Variants in RTN1 observed in about 807,000 individuals in gnomAD.
RTN1 encodes the protein reticulon 1.
In RTN1, 25 loss-of-function variants were observed where a neutral mutation model predicts 65.5. The observed-to-expected ratio is 0.38, with a 90% confidence interval of 0.28 to 0.53. RTN1 has a LOEUF of 0.53. RTN1 is among the 20% of genes least tolerant of loss of function. RTN1 has a pLI of 0.79. For synonymous variants in RTN1, 471 were observed against 447.6 expected (o/e 1.05, Z -0.66); for missense variants, 983 against 1,025.4 (o/e 0.96, Z 0.57).
At chr14:59,808,240 C>G (rs1886670379) in intron 1 of RTN1, among the ~76,000 whole-genome samples, 1 of 152,090 alleles carries the variant, frequency 6.6e-6, no homozygotes, top group African/African-American at 2.4e-5. Context: ...AGAAAAAGAC[C>G]ACCTTGACAA....
chr14:59,654,262 C>T (rs868442133), intron 3 of RTN1, among the ~76,000 whole-genome samples: 41 of 151,950 alleles, frequency 2.7e-4, no homozygotes, highest in African/African-American at 9.7e-4. Flanking sequence ...CCCGTCTCTA[C>T]TAAAAATACA....
chr14:59,636,567 AAC>A (rs1309093743), intron 3 of RTN1, among the ~76,000 whole-genome samples: 18 of 152,230 alleles, frequency 1.2e-4, no homozygotes, highest in Non-Finnish European at 1.3e-4. Context: ...AGAACAGCCT[AAC>A]ACACTAGGTT....
intron 3 of RTN1, among the ~76,000 whole-genome samples, chr14:59,691,177 T>A (rs1883953457): frequency 6.6e-6 from 1 of 152,074 alleles, no homozygotes; most frequent in South Asian, 2.1e-4. Context: ...ACAAAATTGA[T>A]AGCCCACTAG....
At chr14:59,718,228 G>A (rs1267159041) in intron 3 of RTN1, among the ~76,000 whole-genome samples, 2 of 152,152 alleles carry the variant, frequency 1.3e-5, no homozygotes, top group East Asian at 1.9e-4. Flanking sequence ...GAGACGGGGC[G>A]GACTCAGGAA....
intron 1 of RTN1, among the ~76,000 whole-genome samples, chr14:59,822,554 T>G (rs1886961833): frequency 6.6e-6 from 1 of 152,186 alleles, no homozygotes; most frequent in African/African-American, 2.4e-5. Context: ...TCTCCAAGCT[T>G]TGGGGTTGGT....
intron 2 of RTN1, among the ~76,000 whole-genome samples, chr14:59,737,453 A>G (rs1566705253): frequency 6.6e-6 from 1 of 152,180 alleles, no homozygotes; most frequent in Non-Finnish European, 1.5e-5. Flanking sequence ...TACAGCTAAC[A>G]AGGGATGTGA....
chr14:59,831,721 A>C (rs1388423150), intron 1 of RTN1, among the ~76,000 whole-genome samples: 2 of 152,080 alleles, frequency 1.3e-5, no homozygotes, highest in East Asian at 3.9e-4. Flanking sequence ...AGAATATGGC[A>C]GTAGGGCAGG....
intron 3 of RTN1, among the ~76,000 whole-genome samples, chr14:59,717,859 C>T (rs536900013): frequency 5.3e-5 from 8 of 152,174 alleles, no homozygotes; most frequent in African/African-American, 9.7e-5. Flanking sequence ...ACTCTGAGGA[C>T]GTTGAGAGAT....
At chr14:59,716,803 CAAA>C (rs958817485) in intron 3 of RTN1, among the ~76,000 whole-genome samples, 1 of 122,324 alleles carries the variant, frequency 8.2e-6, no homozygotes, top group African/African-American at 3.0e-5. Context: ...TAAAAAAATA[CAAA>C]AAAAAAAAAA....
chr14:59,613,005 T>A (rs942833158), intron 3 of RTN1, among the ~76,000 whole-genome samples: 1 of 152,208 alleles, frequency 6.6e-6, no homozygotes, highest in East Asian at 1.9e-4. Flanking sequence ...ATTTGTGTAA[T>A]TTTGCCATTT....
At chr14:59,843,237 C>G (rs192591152) in intron 1 of RTN1, among the ~76,000 whole-genome samples, 2 of 152,330 alleles carry the variant, frequency 1.3e-5, no homozygotes, top group Admixed American at 1.3e-4. Context: ...TATTCCCTTT[C>G]TATGCTGTCC....
intron 1 of RTN1, among the ~76,000 whole-genome samples, chr14:59,831,765 T>C (rs550939530): frequency 1.2e-3 from 177 of 152,014 alleles, no homozygotes; most frequent in Non-Finnish European, 1.8e-3. Flanking sequence ...ATAATCCATA[T>C]ATATATATAC....
chr14:59,807,511 T>C (rs1886659605), intron 1 of RTN1, among the ~76,000 whole-genome samples: 1 of 152,162 alleles, frequency 6.6e-6, no homozygotes, highest in Non-Finnish European at 1.5e-5. Flanking sequence ...AAGGGAAACC[T>C]TTCTGGACTT....
intron 3 of RTN1, among the ~76,000 whole-genome samples, chr14:59,607,877 G>C (rs2061929108): frequency 1.3e-5 from 2 of 150,564 alleles, no homozygotes; most frequent in Non-Finnish European, 2.9e-5. Flanking sequence ...CTCCAGCCTG[G>C]GTGACAGGGT....
At chr14:59,812,173 C>G (rs1228756254) in intron 1 of RTN1, among the ~76,000 whole-genome samples, 1 of 152,186 alleles carries the variant, frequency 6.6e-6, no homozygotes, top group African/African-American at 2.4e-5. Flanking sequence ...GCAGTCAGTT[C>G]TGCTATCAAA....
chr14:59,737,432 A>G (rs1166221515), intron 2 of RTN1, among the ~76,000 whole-genome samples: 1 of 152,180 alleles, frequency 6.6e-6, no homozygotes, highest in Non-Finnish European at 1.5e-5. Flanking sequence ...CAAAAATAAA[A>G]TACCTAGGAA....
At chr14:59,702,172 T>C (rs1000502044) in intron 3 of RTN1, among the ~76,000 whole-genome samples, 1 of 152,188 alleles carries the variant, frequency 6.6e-6, no homozygotes, top group Non-Finnish European at 1.5e-5. Context: ...AGATGAAGCA[T>C]TGATTAATCA....
intron 3 of RTN1, among the ~76,000 whole-genome samples, chr14:59,681,383 T>G (rs1006435947): frequency 6.6e-6 from 1 of 152,186 alleles, no homozygotes; most frequent in Non-Finnish European, 1.5e-5. Flanking sequence ...TTCTGAATCT[T>G]AAAAAATGGT....
rs199966170 is a variant in RTN1, at chr14:59,756,832, C to CTT, written c.242-10353_242-10352dup. Among the ~76,000 whole-genome samples, 79 of 110,298 alleles carry CTT rather than the reference C, an allele frequency of 7.2e-4. 1 individual carries two copies. The highest frequency in any genetic ancestry group is 3.4e-3 in the African/African-American group (79 of 22,964). 72.4% of individuals were successfully genotyped at this position (110,298 alleles called of 152,430 possible). On this transcript the variant is annotated intron_variant, in intron 1 of 8. Coordinates refer to ENST00000267484, the MANE Select transcript of RTN1 (RefSeq NM_021136.3). ...CACCCCCGACACAGTCTCCATAATT[C>CTT]TTTTTTTTGTTTTTTTTTTTTTGTC...
Sources: gnomAD v4.1 joint callset for allele counts (sites outside exome capture counted in the v4.1 genomes callset) on GRCh38, gnomAD v4.1.1 for gene constraint, MANE v1.5 for transcripts, NCBI Gene and HGNC (gene_info 2026-07-23, HGNC 2026-07-21) for gene names.